PRH1: variants seen among roughly 807,000 people sequenced by gnomAD.
PRH1 encodes the protein salivary acidic proline-rich phosphoprotein 1/2.
A neutral mutation model predicts 7.9 loss-of-function variants in PRH1; 7 were observed. The ratio of observed to expected loss-of-function variants is 0.89; its 90% CI spans 0.50 to 1.67. The LOEUF is 1.67. PRH1 is among the 40% of genes most tolerant of loss of function. PRH1 has a pLI of 0.00. For missense variants in PRH1, 109 were observed against 223.6 expected (o/e 0.49, Z 3.27); for synonymous variants, 45 against 80.8 (o/e 0.56, Z 2.38).
intron 1 of PRH1, chr12:11,078,641 A>T (rs1415350162): frequency 6.6e-6 from 1 of 152,122 alleles, no homozygotes; most frequent in Non-Finnish European, 1.5e-5. Flanking sequence ...ATTTGAATCC[A>T]GCATCTTCAG....
rs878976784 is a variant in PRH1 at position 11,031,391 on chromosome 12, T to C, written c.-126+15629A>G. On this transcript the variant is annotated intron_variant, in intron 1 of 3. Transcript: ENST00000539853. ...TGCTGGTGTTGTGTCCGGAGTTGGT[T>C]CCTGCAGGTGGGTTCGTGGTCTCCC... is the stretch of plus-strand genomic sequence containing the variant. The C allele has an allele frequency of 2.8e-5, 45 of 1,582,036 alleles. No homozygotes were observed. The South Asian group carries it at 5.1e-4, about 18-fold the overall frequency.
At chr12:11,134,286 T>C in intron 1 of PRH1, 1 of 1,534,802 alleles carries the variant, frequency 6.5e-7, no homozygotes, top group South Asian at 1.3e-5. Flanking sequence ...GCTGGTGTAA[T>C]ATCACTGGTT....
chr12:11,056,544 T>C (rs1356624025), intron 1 of PRH1, among the ~76,000 whole-genome samples: 1 of 152,122 alleles, frequency 6.6e-6, no homozygotes, highest in Non-Finnish European at 1.5e-5. Context: ...AAAAAGCAGA[T>C]GATTGGCCAG....
intron 1 of PRH1, chr12:11,132,809 T>C (rs1229165486): frequency 1.6e-5 from 2 of 123,506 alleles, no homozygotes; most frequent in African/African-American, 5.6e-5. Context: ...AGATACATCC[T>C]CATTAGTGAT....
At chr12:11,155,379 A>C (rs1193673824) in intron 1 of PRH1, among the ~76,000 whole-genome samples, 1 of 152,198 alleles carries the variant, frequency 6.6e-6, no homozygotes, top group African/African-American at 2.4e-5. Flanking sequence ...AAGGTACAGA[A>C]ACCTGGAAAA....
intron 2 of PRH1, among the ~76,000 whole-genome samples, chr12:10,968,357 T>G (rs1938615147): frequency 6.6e-6 from 1 of 152,206 alleles, no homozygotes; most frequent in Non-Finnish European, 1.5e-5. Flanking sequence ...ATTCTTTATT[T>G]AAATTACGTA....
intron 2 of PRH1, among the ~76,000 whole-genome samples, chr12:10,959,826 C>T (rs903472306): frequency 3.9e-5 from 6 of 152,076 alleles, no homozygotes; most frequent in African/African-American, 1.4e-4. Context: ...ATGAGATCAC[C>T]AACAAAACAA....
In PRH1 at chr12:11,014,637, C is replaced by T. The variant is rs560306454; in HGVS notation, c.-126+32383G>A. Among the ~76,000 whole-genome samples the T allele has an allele frequency of 2.6e-5, 4 of 152,266 alleles. No homozygotes were observed. In the East Asian group the frequency reaches 7.7e-4, roughly 29 times the overall value. ...ACCTCAACCTGTTGTCAGGACTGAG[C>T]CAATTCCGAGAACAAGAATTCAATA... On this transcript the variant is annotated intron_variant, in intron 1 of 3. Coordinates refer to the PRH1 transcript ENST00000539853.
intron 1 of PRH1, among the ~76,000 whole-genome samples, chr12:11,063,113 T>G (rs1943681878): frequency 6.6e-6 from 1 of 152,104 alleles, no homozygotes; most frequent in Non-Finnish European, 1.5e-5. Context: ...TCTCTAATTC[T>G]TAGGCCTTTG....
chr12:11,078,144 AAT>A, intron 1 of PRH1: 1 of 597,898 alleles, frequency 1.7e-6, no homozygotes, highest in African/African-American at 1.8e-5. Flanking sequence ...TAACCCAGTC[AAT>A]GACATTTACT....
intron 1 of PRH1, among the ~76,000 whole-genome samples, chr12:11,072,421 A>C (rs1944115488): frequency 6.6e-6 from 1 of 152,214 alleles, no homozygotes; most frequent in Non-Finnish European, 1.5e-5. Flanking sequence ...GGCAGCTGGC[A>C]GGACTCTCAC....
At chr12:11,122,806 C>T (rs1945956383) in intron 1 of PRH1, among the ~76,000 whole-genome samples, 2 of 148,114 alleles carry the variant, frequency 1.4e-5, no homozygotes, top group South Asian at 2.1e-4. Context: ...CTAGACTACA[C>T]ACTTAGAAAT....
chr12:10,989,507 G>A (rs902860935), intron 1 of PRH1, among the ~76,000 whole-genome samples: 1 of 152,078 alleles, frequency 6.6e-6, no homozygotes, highest in Non-Finnish European at 1.5e-5. Flanking sequence ...TCTCTTCACA[G>A]ACATAGAAAA....
At chr12:11,027,633 T>C (rs1014560942) in intron 1 of PRH1, among the ~76,000 whole-genome samples, 3 of 152,198 alleles carry the variant, frequency 2.0e-5, no homozygotes, top group Admixed American at 1.3e-4. Context: ...TGGTCTCAAG[T>C]GGAATCCAGA....
chr12:10,938,522 C>T, intron 2 of PRH1: 1 of 1,613,988 alleles, frequency 6.2e-7, no homozygotes, highest in Non-Finnish European at 8.5e-7. Flanking sequence ...ACTTTTAACT[C>T]CTCTGTGGGC....
At chr12:10,942,063 T>C (rs1175956682) in intron 2 of PRH1, among the ~76,000 whole-genome samples, 1 of 152,162 alleles carries the variant, frequency 6.6e-6, no homozygotes, top group African/African-American at 2.4e-5. Context: ...CAGAGTCCTG[T>C]GATGTAAACC....
At chr12:10,934,203 A>T (rs998692221) in intron 2 of PRH1, among the ~76,000 whole-genome samples, 1 of 152,118 alleles carries the variant, frequency 6.6e-6, no homozygotes, top group African/African-American at 2.4e-5. Context: ...TTTTAAGAAC[A>T]GCTTCTTTCC....
At chr12:11,131,363 C>G (rs117872320) in intron 1 of PRH1, among the ~76,000 whole-genome samples, 2 of 149,154 alleles carry the variant, frequency 1.3e-5, no homozygotes, top group Non-Finnish European at 1.5e-5. Flanking sequence ...TGTTTCACAT[C>G]GGTTCTTGTC....
intron 1 of PRH1, chr12:10,973,796 C>G (rs1938950968): frequency 1.4e-6 from 1 of 723,068 alleles, no homozygotes; most frequent in Admixed American, 1.9e-5. Flanking sequence ...GGAGGGCCAG[C>G]TAAACTAAAA....
Sources: allele counts gnomAD v4.1 joint callset (sites outside exome capture counted in the v4.1 genomes callset), GRCh38; gene constraint gnomAD v4.1.1; transcripts MANE v1.5; gene names NCBI Gene and HGNC (gene_info 2026-07-23, HGNC 2026-07-21).